The following CDH8 variants were observed in gnomAD, a reference collection of about 807,000 sequenced individuals.
CDH8 encodes the protein cadherin-8.
Under a neutral mutation model 68.1 loss-of-function variants are expected in CDH8, and 17 were observed. The observed-to-expected ratio is 0.25, with a 90% CI of 0.17 to 0.37. CDH8 has a LOEUF of 0.37. CDH8 is among the 10% of genes least tolerant of loss of function. CDH8 has a pLI of 1.00. For missense variants in CDH8, 763 were observed against 999.3 expected (o/e 0.76, Z 3.19); for synonymous variants, 372 against 365.1 (o/e 1.02, Z -0.21).
intron 7 of CDH8, among the ~76,000 whole-genome samples, chr16:61,797,100 T>A (rs1359591440): frequency 1.3e-5 from 2 of 152,084 alleles, no homozygotes; most frequent in Non-Finnish European, 2.9e-5. Context: ...TGTGTGTGTG[T>A]GTGGACTTAC....
At chr16:62,005,750 A>C (rs1221269541) in intron 2 of CDH8, among the ~76,000 whole-genome samples, 2 of 151,794 alleles carry the variant, frequency 1.3e-5, no homozygotes, top group African/African-American at 4.8e-5. Context: ...AAAAAAAAAA[A>C]AAAAAAACAT....
At chr16:61,871,265 C>T (rs982247968) in intron 3 of CDH8, among the ~76,000 whole-genome samples, 1 of 151,840 alleles carries the variant, frequency 6.6e-6, no homozygotes, top group Non-Finnish European at 1.5e-5. Flanking sequence ...ACTGCAGCCT[C>T]GACCTCCCAG....
intron 8 of CDH8, among the ~76,000 whole-genome samples, chr16:61,727,923 T>C (rs1301281166): frequency 6.6e-6 from 1 of 151,134 alleles, no homozygotes; most frequent in Non-Finnish European, 1.5e-5. Context: ...CTTATTTTTT[T>C]AAGTTATGTA....
intron 8 of CDH8, among the ~76,000 whole-genome samples, chr16:61,736,133 A>C: frequency 6.6e-6 from 1 of 150,746 alleles, no homozygotes; most frequent in Non-Finnish European, 1.5e-5. Context: ...GGAAGGAAGG[A>C]AGGAAGGAAG....
At chr16:61,777,799 C>T (rs1258696351) in intron 8 of CDH8, among the ~76,000 whole-genome samples, 1 of 152,100 alleles carries the variant, frequency 6.6e-6, no homozygotes. Flanking sequence ...TTTGTGCCTG[C>T]ATCACTTATC....
chr16:61,941,733 C>T (rs1414348881), intron 2 of CDH8, among the ~76,000 whole-genome samples: 2 of 152,336 alleles, frequency 1.3e-5, no homozygotes, highest in Non-Finnish European at 1.5e-5. Context: ...TGAGCCACCA[C>T]ATCTGGCCTC....
chr16:61,948,040 C>T (rs1263142319), intron 2 of CDH8, among the ~76,000 whole-genome samples: 1 of 152,034 alleles, frequency 6.6e-6, no homozygotes, highest in African/African-American at 2.4e-5. Context: ...ACCCAAGAGC[C>T]TCACATTTGA....
At chr16:61,774,449 A>G (rs879445866) in intron 8 of CDH8, among the ~76,000 whole-genome samples, 5 of 132,758 alleles carry the variant, frequency 3.8e-5, no homozygotes, top group Non-Finnish European at 7.8e-5. Flanking sequence ...CTCAGCTTCA[A>G]TCACTCAGGG....
chr16:61,826,909 C>T (rs1305742805), intron 4 of CDH8, among the ~76,000 whole-genome samples: 4 of 151,776 alleles, frequency 2.6e-5, no homozygotes, highest in Admixed American at 6.6e-5. Flanking sequence ...TGTAATACTA[C>T]GATGATATTT....
intron 3 of CDH8, among the ~76,000 whole-genome samples, chr16:61,865,061 G>A (rs1963228067): frequency 1.3e-5 from 2 of 152,036 alleles, no homozygotes; most frequent in Admixed American, 1.3e-4. Flanking sequence ...CTGCTCACTG[G>A]GTGTTCTCCT....
At chr16:61,719,362 T>C (rs1056709864) in intron 9 of CDH8, among the ~76,000 whole-genome samples, 2 of 151,114 alleles carry the variant, frequency 1.3e-5, no homozygotes, top group African/African-American at 4.8e-5. Context: ...GGGTTTTTCA[T>C]TCACTTTACC....
chr16:61,853,828 G>T (rs764428091), intron 4 of CDH8, among the ~76,000 whole-genome samples: 5 of 151,908 alleles, frequency 3.3e-5, no homozygotes, highest in African/African-American at 1.2e-4. Context: ...TAAAATCAAC[G>T]TATATATTAA....
At chr16:61,787,770 G>A (rs1023015233) in intron 8 of CDH8, among the ~76,000 whole-genome samples, 4 of 151,424 alleles carry the variant, frequency 2.6e-5, no homozygotes, top group African/African-American at 9.8e-5. Flanking sequence ...CATAAAAAAT[G>A]ATGACTTCAT....
intron 2 of CDH8, among the ~76,000 whole-genome samples, chr16:61,972,571 G>GGGTGTGT (rs369833002): frequency 0.031 from 4,049 of 131,476 alleles, 100 homozygotes; most frequent in South Asian, 0.062. Context: ...ACACATTGTG[G>GGGTGTGT]GTGTGTGTGT....
intron 8 of CDH8, among the ~76,000 whole-genome samples, chr16:61,745,800 T>C (rs1054421937): frequency 1.3e-5 from 2 of 152,060 alleles, no homozygotes; most frequent in African/African-American, 4.8e-5. Context: ...GTTGGAAAAT[T>C]TGAATATATG....
chr16:61,739,050 A>C (rs531718811), intron 8 of CDH8, among the ~76,000 whole-genome samples: 100 of 152,274 alleles, frequency 6.6e-4, no homozygotes, highest in African/African-American at 2.3e-3. Flanking sequence ...TGTCCCTTTT[A>C]GTAAACTAAG....
rs541561587 is a variant in CDH8, at chr16:61,674,569, A to G, written c.1655-18848T>C. ...GTGAAATCCAGGTATCTTACCGTTA[A>G]CAGCTGTGGTGTCTAAAACTCAGAC... On this transcript the variant is annotated intron_variant, in intron 10 of 11. Transcript: ENST00000577390. Among the ~76,000 whole-genome samples the G allele has an allele frequency of 2.8e-4, 42 of 152,250 alleles. No homozygotes were observed. In the South Asian group the frequency reaches 8.3e-3, roughly 30 times the overall value.
intron 3 of CDH8, among the ~76,000 whole-genome samples, chr16:61,898,964 T>C (rs902456426): frequency 6.6e-6 from 1 of 152,152 alleles, no homozygotes; most frequent in Non-Finnish European, 1.5e-5. Context: ...ATATTCTGTC[T>C]AGTCATTTTT....
At chr16:61,968,397 G>A (rs1965288418) in intron 2 of CDH8, among the ~76,000 whole-genome samples, 1 of 152,094 alleles carries the variant, frequency 6.6e-6, no homozygotes, top group Non-Finnish European at 1.5e-5. Flanking sequence ...AGGTGATAAA[G>A]GTTCTCTCAA....
Sources: allele counts gnomAD v4.1 joint callset (sites outside exome capture counted in the v4.1 genomes callset), GRCh38; gene constraint gnomAD v4.1.1; transcripts MANE v1.5; gene names NCBI Gene and HGNC (gene_info 2026-07-23, HGNC 2026-07-21).